Variants in ROBO2 observed in about 807,000 individuals in gnomAD.
The protein encoded by ROBO2 is roundabout guidance receptor 2, also known as roundabout homolog 2.
Under a neutral mutation model 160.8 loss-of-function variants are expected in ROBO2, and 53 were observed. That is an observed-to-expected ratio of 0.33 (90% CI 0.26 to 0.41). ROBO2 has a LOEUF of 0.41. Among genes scored for constraint, ROBO2 ranks in the 10% least tolerant of loss-of-function variants. ROBO2 has a pLI of 1.00. For synonymous variants in ROBO2, 664 were observed against 611.7 expected (o/e 1.09, Z -1.26); for missense variants, 1,577 against 1,722.4 (o/e 0.92, Z 1.49).
At chr3:76,821,842 A>G (rs2066147666) in intron 2 of ROBO2, among the ~76,000 whole-genome samples, 1 of 151,996 alleles carries the variant, frequency 6.6e-6, no homozygotes. Context: ...TTTAACTATC[A>G]CTGCTTTTTA....
chr3:76,057,823 C>A (rs2067907905), intron 2 of ROBO2, among the ~76,000 whole-genome samples: 1 of 151,992 alleles, frequency 6.6e-6, no homozygotes, highest in South Asian at 2.1e-4. Flanking sequence ...TGTTCTAAAT[C>A]ATTTTTCTTG....
chr3:76,833,811 G>A (rs2067291266), intron 2 of ROBO2, among the ~76,000 whole-genome samples: 1 of 152,084 alleles, frequency 6.6e-6, no homozygotes, highest in African/African-American at 2.4e-5. Flanking sequence ...ACACATACAA[G>A]TTTCAAACCC....
intron 2 of ROBO2, among the ~76,000 whole-genome samples, chr3:76,307,509 C>G (rs1251050652): frequency 6.6e-6 from 1 of 151,716 alleles, no homozygotes. Flanking sequence ...GAATTTTATT[C>G]TGATTGCCTC....
At position 77,335,094 on chromosome 3, in the gene ROBO2, C is replaced by T. The variant is rs567190151; in HGVS notation, c.389-142320C>T. ...CACTTAGTTTATGCTTTTGACATAG[C>T]AGATCAGACTTTACACCTGGAAAAA... On this transcript the variant is annotated intron_variant, in intron 2 of 25. Coordinates refer to ENST00000461745, the Ensembl canonical transcript of ROBO2. Among the ~76,000 whole-genome samples the T allele has an allele frequency of 2.2e-4, 33 of 152,208 alleles. 1 individual carries two copies. In the South Asian group the frequency reaches 6.6e-3, roughly 31 times the overall value.
At chr3:77,283,829 T>C (rs1288708800) in intron 2 of ROBO2, among the ~76,000 whole-genome samples, 2 of 152,164 alleles carry the variant, frequency 1.3e-5, no homozygotes, top group Non-Finnish European at 2.9e-5. Context: ...GGTACTTTGA[T>C]TGATAGGTCC....
intron 2 of ROBO2, among the ~76,000 whole-genome samples, chr3:76,825,342 A>G (rs1264651750): frequency 1.3e-5 from 2 of 152,142 alleles, no homozygotes; most frequent in African/African-American, 4.8e-5. Flanking sequence ...TTATCACAAT[A>G]AGTTTCCTCA....
chr3:76,650,322 G>T (rs144178953), intron 2 of ROBO2, among the ~76,000 whole-genome samples: 1 of 152,076 alleles, frequency 6.6e-6, no homozygotes, highest in Non-Finnish European at 1.5e-5. Context: ...TTTGGGAGGA[G>T]ACAGCGTGCC....
At chr3:76,596,241 G>C (rs749031558) in intron 2 of ROBO2, among the ~76,000 whole-genome samples, 5 of 152,056 alleles carry the variant, frequency 3.3e-5, no homozygotes, top group Non-Finnish European at 5.9e-5. Flanking sequence ...TTTATGGGGT[G>C]TCCCATTATC....
At chr3:76,572,952 AAC>A (rs1379939915) in intron 2 of ROBO2, among the ~76,000 whole-genome samples, 1 of 152,100 alleles carries the variant, frequency 6.6e-6, no homozygotes, top group Non-Finnish European at 1.5e-5. Context: ...TGACAGCATA[AAC>A]TTCTCTTCCT....
intron 2 of ROBO2, among the ~76,000 whole-genome samples, chr3:76,809,555 A>C (rs1040945356): frequency 6.6e-6 from 1 of 152,194 alleles, no homozygotes; most frequent in African/African-American, 2.4e-5. Flanking sequence ...ACCTGGATGC[A>C]AGAGGAAGAG....
chr3:77,316,525 G>T (rs1386354216), intron 2 of ROBO2, among the ~76,000 whole-genome samples: 2 of 152,072 alleles, frequency 1.3e-5, no homozygotes, highest in Non-Finnish European at 2.9e-5. Context: ...TCTCACAGGG[G>T]CTACCGAGTT....
chr3:77,023,698 G>T (rs1232859911), intron 2 of ROBO2, among the ~76,000 whole-genome samples: 1 of 152,098 alleles, frequency 6.6e-6, no homozygotes, highest in Non-Finnish European at 1.5e-5. Flanking sequence ...TATCAACACA[G>T]AATTCTTTTA....
chr3:76,191,866 G>A (rs551103161), intron 2 of ROBO2, among the ~76,000 whole-genome samples: 1 of 151,952 alleles, frequency 6.6e-6, no homozygotes, highest in South Asian at 2.1e-4. Context: ...TGAACTAGAT[G>A]TGATAGTCTG....
At chr3:76,593,079 T>C (rs1056741473) in intron 2 of ROBO2, among the ~76,000 whole-genome samples, 8 of 152,034 alleles carry the variant, frequency 5.3e-5, no homozygotes, top group Non-Finnish European at 8.8e-5. Flanking sequence ...CAGCTGACCA[T>C]ATTTCAACAT....
At chr3:77,586,186 C>T (rs1559670055) in intron 16 of ROBO2, among the ~76,000 whole-genome samples, 1 of 152,094 alleles carries the variant, frequency 6.6e-6, no homozygotes, top group Non-Finnish European at 1.5e-5. Context: ...AATTCTGCAT[C>T]ATTGCATTTA....
At chr3:76,748,422 T>C (rs1474067772) in intron 2 of ROBO2, among the ~76,000 whole-genome samples, 3 of 151,752 alleles carry the variant, frequency 2.0e-5, no homozygotes, top group Non-Finnish European at 2.9e-5. Flanking sequence ...ATTTGCCTTA[T>C]ATATAAAAAT....
At chr3:76,163,050 A>T (rs1300842482) in intron 2 of ROBO2, among the ~76,000 whole-genome samples, 1 of 152,168 alleles carries the variant, frequency 6.6e-6, no homozygotes, top group Non-Finnish European at 1.5e-5. Flanking sequence ...AGGTTACTGA[A>T]ATCTCCCATT....
At chr3:76,918,629 G>T (rs1402294429) in intron 2 of ROBO2, among the ~76,000 whole-genome samples, 2 of 151,958 alleles carry the variant, frequency 1.3e-5, no homozygotes, top group African/African-American at 2.4e-5. Context: ...AGTTTTTTTG[G>T]TTCATTTGCC....
rs993035508 is a variant in ROBO2 at position 75,968,797 on chromosome 3, TAGATAGTACA to T, written c.109+31196_109+31205del. Among the ~76,000 whole-genome samples, 104 of 131,614 alleles carry T rather than the reference TAGATAGTACA, an allele frequency of 7.9e-4. 12 individuals carry two copies. The highest frequency in any genetic ancestry group is 1.3e-3 in the African/African-American group (48 of 36,860). 86.3% of individuals were successfully genotyped at this position (131,614 alleles called of 152,430 possible). A position where few individuals can be genotyped will look rare whatever the true frequency, so the allele number is the denominator to read the frequency against. On this transcript the variant is annotated intron_variant, in intron 2 of 26. Transcript: ENST00000487694. ...CTGTTTCTATATACTTGGCTTGTTT[TAGATAGTACA>T]TAGATAGCACATAGAATAGCCACCA...
Sources: gnomAD v4.1 joint callset for allele counts (sites outside exome capture counted in the v4.1 genomes callset) on GRCh38, gnomAD v4.1.1 for gene constraint, MANE v1.5 for transcripts, NCBI Gene and HGNC (gene_info 2026-07-23, HGNC 2026-07-21) for gene names.